Variants in ZCCHC7 observed in about 807,000 individuals in gnomAD.
ZCCHC7 encodes the protein zinc finger CCHC-type containing 7.
In ZCCHC7, 35 loss-of-function variants were observed where a neutral mutation model predicts 52.0. That is an observed-to-expected ratio of 0.67 (90% confidence interval 0.51 to 0.89). The LOEUF (loss-of-function observed/expected upper bound fraction) is 0.89, where lower values mean the gene tolerates loss of function less well. ZCCHC7 is among the 40% of genes least tolerant of loss of function. The pLI is 0.00. For synonymous variants in ZCCHC7, 217 were observed against 221.5 expected (o/e 0.98, Z 0.18); for missense variants, 574 against 649.1 (o/e 0.88, Z 1.26).
chr9:37,344,936 G>A (rs895375564), intron 6 of ZCCHC7, among the ~76,000 whole-genome samples: 32 of 152,144 alleles, frequency 2.1e-4, no homozygotes, highest in African/African-American at 7.7e-4. Flanking sequence ...CCTGATGGAG[G>A]CATCCTTCGA....
intron 2 of ZCCHC7, among the ~76,000 whole-genome samples, chr9:37,202,536 C>T (rs1823688060): frequency 6.6e-6 from 1 of 152,216 alleles, no homozygotes; most frequent in African/African-American, 2.4e-5. Flanking sequence ...GGGTCTTGCT[C>T]TGTTGCCCAG....
chr9:37,299,388 A>G (rs1386099040), intron 2 of ZCCHC7, among the ~76,000 whole-genome samples: 2 of 152,240 alleles, frequency 1.3e-5, no homozygotes, highest in African/African-American at 4.8e-5. Flanking sequence ...AGAAGGTGCC[A>G]CCATGGATGC....
At chr9:37,302,330 T>A in intron 3 of ZCCHC7, 99 bp downstream of exon 3, 2 of 992,886 alleles carry the variant, frequency 2.0e-6, no homozygotes, top group South Asian at 3.0e-5. Context: ...AAGTGGCTTA[T>A]AAGAAAACAT....
chr9:37,192,140 GT>G (rs1179562118), intron 2 of ZCCHC7, among the ~76,000 whole-genome samples: 1 of 152,186 alleles, frequency 6.6e-6, no homozygotes, highest in Non-Finnish European at 1.5e-5. Context: ...AGTATTAAGA[GT>G]CAGAAGAAAG....
intron 2 of ZCCHC7, chr9:37,284,399 AT>A (rs530487323): frequency 7.0e-4 from 107 of 152,326 alleles, no homozygotes; most frequent in African/African-American, 2.3e-3. Flanking sequence ...ACACAAAAAA[AT>A]ACCTTTTTTG....
At chr9:37,159,750 C>T (rs1368766132) in intron 2 of ZCCHC7, among the ~76,000 whole-genome samples, 1 of 152,080 alleles carries the variant, frequency 6.6e-6, no homozygotes, top group Admixed American at 6.5e-5. Context: ...CCTGTAGAAC[C>T]TCTGTATTCT....
intron 4 of ZCCHC7, among the ~76,000 whole-genome samples, 157 bp from the exon 5 acceptor site, chr9:37,305,387 T>G (rs1260902000): frequency 6.6e-6 from 1 of 152,238 alleles, no homozygotes; most frequent in Non-Finnish European, 1.5e-5. Context: ...TACAGTGTTT[T>G]GGACATTTTG....
At chr9:37,167,385 A>T (rs1821484996) in intron 2 of ZCCHC7, among the ~76,000 whole-genome samples, 1 of 151,880 alleles carries the variant, frequency 6.6e-6, no homozygotes, top group Admixed American at 6.6e-5. Context: ...TGCCTGGCCA[A>T]ATATTGTAAC....
At chr9:37,338,184 G>T (rs1287386151) in intron 6 of ZCCHC7, among the ~76,000 whole-genome samples, 1 of 151,912 alleles carries the variant, frequency 6.6e-6, no homozygotes, top group African/African-American at 2.4e-5. Flanking sequence ...TTTGATAGGG[G>T]GAGTGTCCTG....
chr9:37,140,608 A>G (rs1843177542), intron 2 of ZCCHC7, among the ~76,000 whole-genome samples: 1 of 151,856 alleles, frequency 6.6e-6, no homozygotes, highest in Admixed American at 6.6e-5. Context: ...TAATCCCTTT[A>G]TTTTTCTGTT....
chr9:37,329,245 T>C (rs572382536), intron 6 of ZCCHC7, among the ~76,000 whole-genome samples: 1 of 151,948 alleles, frequency 6.6e-6, no homozygotes, highest in African/African-American at 2.4e-5. Flanking sequence ...TTAAAGCTGC[T>C]CTTTTGATTA....
chr9:37,131,412 G>A (rs1294220512), intron 2 of ZCCHC7, among the ~76,000 whole-genome samples: 3 of 151,802 alleles, frequency 2.0e-5, no homozygotes, highest in South Asian at 2.1e-4. Context: ...TTGGGAGGCT[G>A]AGGTGGGTGG....
chr9:37,326,947 AC>A (rs562644594), intron 5 of ZCCHC7: 93 of 152,212 alleles, frequency 6.1e-4, no homozygotes, highest in African/African-American at 2.2e-3. Flanking sequence ...CAAACAACAC[AC>A]TTTTTGCTCC....
chr9:37,169,971 G>A (rs968928591), intron 2 of ZCCHC7, among the ~76,000 whole-genome samples: 3 of 151,910 alleles, frequency 2.0e-5, no homozygotes, highest in African/African-American at 7.3e-5. Context: ...GCTGAGGCTG[G>A]AGGGATCGCT....
chr9:37,316,380 A>T (rs1829823573), intron 5 of ZCCHC7, among the ~76,000 whole-genome samples: 3 of 150,564 alleles, frequency 2.0e-5, no homozygotes, highest in Non-Finnish European at 4.4e-5. Context: ...TTCTTATAAG[A>T]ATCTGGCACA....
intron 6 of ZCCHC7, among the ~76,000 whole-genome samples, chr9:37,342,384 C>G (rs2118503349): frequency 1.3e-5 from 2 of 152,210 alleles, no homozygotes; most frequent in Admixed American, 1.3e-4. Flanking sequence ...GTTCGACATT[C>G]TAGTAGAGAT....
intron 2 of ZCCHC7, among the ~76,000 whole-genome samples, chr9:37,214,340 AT>A (rs2133229259): frequency 1.3e-5 from 2 of 152,208 alleles, no homozygotes; most frequent in Non-Finnish European, 2.9e-5. Flanking sequence ...GTTTTTCTAG[AT>A]ACATAGAAAG....
At chr9:37,316,558 C>G (rs184575531) in intron 5 of ZCCHC7, among the ~76,000 whole-genome samples, 51 of 151,974 alleles carry the variant, frequency 3.4e-4, no homozygotes, top group African/African-American at 1.2e-3. Context: ...CTCCTAACCT[C>G]GAGTGATCTG....
At chr9:37,257,330 A>T (rs1564206722) in intron 2 of ZCCHC7, among the ~76,000 whole-genome samples, 1 of 152,248 alleles carries the variant, frequency 6.6e-6, no homozygotes, top group Non-Finnish European at 1.5e-5. Context: ...TGGAAGGCAG[A>T]GAGGTTTCTT....
Sources: gnomAD v4.1 joint callset for allele counts (sites outside exome capture counted in the v4.1 genomes callset) on GRCh38, gnomAD v4.1.1 for gene constraint, MANE v1.5 for transcripts, NCBI Gene and HGNC (gene_info 2026-07-23, HGNC 2026-07-21) for gene names.